PKNOX2: variants seen among roughly 807,000 people sequenced by gnomAD.
PKNOX2 encodes PBX/knotted 1 homeobox 2, also known as homeobox protein PKNOX2.
In PKNOX2, 14 loss-of-function variants were observed where a neutral mutation model predicts 53.1. The observed-to-expected ratio is 0.26, with a 90% CI of 0.17 to 0.41. The LOEUF (loss-of-function observed/expected upper bound fraction) is 0.41. PKNOX2 is among the 10% of genes least tolerant of loss of function. The pLI is 1.00. For missense variants in PKNOX2, 496 were observed against 602.8 expected (o/e 0.82, Z 1.85); for synonymous variants, 257 against 242.8 (o/e 1.06, Z -0.54).
intron 3 of PKNOX2, among the ~76,000 whole-genome samples, chr11:125,344,134 G>A (rs1950849948): frequency 6.6e-6 from 1 of 152,166 alleles, no homozygotes; most frequent in Admixed American, 6.5e-5. Context: ...CATGGACACA[G>A]AGGGACCCGG....
In PKNOX2 at chr11:125,408,024, A is replaced by T. The variant is rs544775769; in HGVS notation, c.589-2172A>T. ...GGACTTCTGAGTTTTAGTTGTTTTTATCTGTTCACCTTGCCTGCAATGATG... is the reference window on the plus strand; with the variant it reads ...GGACTTCTGAGTTTTAGTTGTTTTTTTCTGTTCACCTTGCCTGCAATGATG... On this transcript the variant is annotated intron_variant, in intron 7 of 12. Transcript: ENST00000298282. Among the ~76,000 whole-genome samples the T allele has an allele frequency of 1.4e-4, 21 of 152,258 alleles. No homozygotes were observed. The South Asian group carries it at 4.3e-3, about 32-fold the overall frequency.
At chr11:125,384,831 A>G (rs1953512315) in intron 5 of PKNOX2, among the ~76,000 whole-genome samples, 1 of 152,038 alleles carries the variant, frequency 6.6e-6, no homozygotes, top group South Asian at 2.1e-4. Flanking sequence ...AGTGTCTGCT[A>G]TGAGCATGCA....
At chr11:125,409,462 T>A (rs888491103) in intron 7 of PKNOX2, among the ~76,000 whole-genome samples, 2 of 152,208 alleles carry the variant, frequency 1.3e-5, no homozygotes, top group Non-Finnish European at 2.9e-5. Flanking sequence ...CGATGCCATG[T>A]GCCGAAGGTG....
At chr11:125,263,610 G>A (rs958277448) in intron 2 of PKNOX2, among the ~76,000 whole-genome samples, 1 of 152,236 alleles carries the variant, frequency 6.6e-6, no homozygotes, top group Non-Finnish European at 1.5e-5. Flanking sequence ...CCAAGGGCAT[G>A]TGGCTGAGGA....
intron 10 of PKNOX2, 106 bp from the exon 11 acceptor site, chr11:125,428,906 C>A: frequency 8.0e-7 from 1 of 1,252,134 alleles, no homozygotes; most frequent in Non-Finnish European, 1.1e-6. Flanking sequence ...TCCCAAACCA[C>A]TCGGGCTGCC....
intron 1 of PKNOX2, among the ~76,000 whole-genome samples, chr11:125,221,536 G>A (rs748245443): frequency 5.9e-5 from 9 of 152,168 alleles, no homozygotes; most frequent in Non-Finnish European, 1.3e-4. Flanking sequence ...AGTGTTGGAG[G>A]CGTATAAGTC....
At chr11:125,329,358 T>C (rs1428022467) in intron 2 of PKNOX2, among the ~76,000 whole-genome samples, 1 of 150,818 alleles carries the variant, frequency 6.6e-6, no homozygotes, top group Non-Finnish European at 1.5e-5. Flanking sequence ...TATTTGTCTA[T>C]TTTTTACAAG....
intron 1 of PKNOX2, among the ~76,000 whole-genome samples, chr11:125,206,032 T>C (rs1300886633): frequency 6.6e-6 from 1 of 152,030 alleles, no homozygotes; most frequent in Non-Finnish European, 1.5e-5. Flanking sequence ...ATCTGGGATC[T>C]GAAATGACCG....
intron 3 of PKNOX2, among the ~76,000 whole-genome samples, chr11:125,349,650 A>G (rs959078493): frequency 5.3e-5 from 8 of 151,572 alleles, no homozygotes; most frequent in African/African-American, 2.0e-4. Context: ...GCCATGCCTC[A>G]TTCATCTGTC....
intron 3 of PKNOX2, among the ~76,000 whole-genome samples, chr11:125,350,772 C>T (rs1951257319): frequency 3.9e-5 from 6 of 152,148 alleles, no homozygotes; most frequent in Admixed American, 3.9e-4. Flanking sequence ...TGGGGAGGGG[C>T]GAGCTTGGTG....
intron 3 of PKNOX2, among the ~76,000 whole-genome samples, chr11:125,347,561 T>C (rs79354195): frequency 0.04 from 6,121 of 152,062 alleles, 156 homozygotes; most frequent in East Asian, 0.12. Flanking sequence ...GGAGCATGGG[T>C]TGAGGAGGCT....
intron 1 of PKNOX2, among the ~76,000 whole-genome samples, chr11:125,188,975 G>A (rs1027542800): frequency 9.9e-5 from 15 of 152,042 alleles, no homozygotes; most frequent in African/African-American, 7.2e-5. Context: ...CTAATTCCCA[G>A]TGTGGACAGG....
chr11:125,280,278 C>G (rs973905925), intron 2 of PKNOX2, among the ~76,000 whole-genome samples: 1 of 152,114 alleles, frequency 6.6e-6, no homozygotes, highest in Non-Finnish European at 1.5e-5. Context: ...CTCGTGACAG[C>G]GTGAACCTGC....
At chr11:125,336,535 A>G (rs1008236607) in intron 3 of PKNOX2, among the ~76,000 whole-genome samples, 15 of 148,812 alleles carry the variant, frequency 1.0e-4, no homozygotes, top group African/African-American at 3.7e-4. Context: ...ATATATTAAT[A>G]TAAGTATAAA....
intron 5 of PKNOX2, among the ~76,000 whole-genome samples, chr11:125,380,628 T>A (rs977207318): frequency 1.3e-5 from 2 of 152,094 alleles, no homozygotes; most frequent in African/African-American, 2.4e-5. Context: ...GTGGAAGATA[T>A]CTGGACAGCA....
chr11:125,181,485 G>A (rs1956154767), intron 1 of PKNOX2, among the ~76,000 whole-genome samples: 1 of 152,094 alleles, frequency 6.6e-6, no homozygotes, highest in Admixed American at 6.5e-5. Flanking sequence ...GAAGGGAACA[G>A]TGGTTAGGAG....
chr11:125,187,819 G>T (rs1956550528), intron 1 of PKNOX2, among the ~76,000 whole-genome samples: 1 of 152,170 alleles, frequency 6.6e-6, no homozygotes, highest in South Asian at 2.1e-4. Context: ...TTGATAATGG[G>T]TCACTCCTAG....
At chr11:125,332,879 T>C (rs925469587) in intron 3 of PKNOX2, among the ~76,000 whole-genome samples, 2 of 152,220 alleles carry the variant, frequency 1.3e-5, no homozygotes, top group Middle Eastern at 3.4e-3. Flanking sequence ...TATTTAGAGG[T>C]CCACATGTCT....
chr11:125,241,264 C>G (rs1943121767), intron 2 of PKNOX2, among the ~76,000 whole-genome samples: 1 of 152,318 alleles, frequency 6.6e-6, no homozygotes, highest in Admixed American at 6.5e-5. Context: ...TGCTCAATCT[C>G]CCCCAACAAA....
Sources: gnomAD v4.1 joint callset for allele counts (sites outside exome capture counted in the v4.1 genomes callset) on GRCh38, gnomAD v4.1.1 for gene constraint, MANE v1.5 for transcripts, NCBI Gene and HGNC (gene_info 2026-07-23, HGNC 2026-07-21) for gene names.